IPPK: variants seen among roughly 807,000 people sequenced by gnomAD.
The protein encoded by IPPK is IPK1 homolog.
Under a neutral mutation model 64.6 loss-of-function variants are expected in IPPK, and 22 were observed. That is an observed-to-expected ratio of 0.34 (90% CI 0.24 to 0.49). The LOEUF is 0.49. Among genes scored for constraint, IPPK ranks in the 20% least tolerant of loss-of-function variants. The pLI is 0.99. For missense variants in IPPK, 532 were observed against 630.7 expected (o/e 0.84, Z 1.68); for synonymous variants, 262 against 247.2 (o/e 1.06, Z -0.56).
At chr9:92,669,825 G>C in intron 1 of IPPK, 83 bp downstream of exon 1, 2 of 1,060,648 alleles carry the variant, frequency 1.9e-6, no homozygotes, top group Non-Finnish European at 1.4e-6. Context: ...AACCGACCCT[G>C]TTGAGGAAAC....
chr9:92,625,898 G>A (rs932965296), intron 11 of IPPK, among the ~76,000 whole-genome samples: 2 of 152,060 alleles, frequency 1.3e-5, no homozygotes, highest in East Asian at 1.9e-4. Context: ...AAGGCAACAC[G>A]GATGAGTCAG....
chr9:92,660,341 C>A (rs1004957737), intron 1 of IPPK, among the ~76,000 whole-genome samples: 11 of 152,198 alleles, frequency 7.2e-5, no homozygotes, highest in African/African-American at 2.7e-4. Flanking sequence ...TACATGAAAT[C>A]CCTGATCAGT....
At chr9:92,669,038 G>C (rs969022339) in intron 1 of IPPK, among the ~76,000 whole-genome samples, 2 of 152,110 alleles carry the variant, frequency 1.3e-5, no homozygotes, top group South Asian at 4.2e-4. Flanking sequence ...CTGCGTAACT[G>C]GTCTTTGCAA....
At position 92,619,573 on chromosome 9, in the gene IPPK, G is replaced by C. The variant is rs1431510379; in HGVS notation, c.1171-8C>G. The C allele has an allele frequency of 3.8e-6, 6 of 1,572,184 alleles. No individual in the cohort carries two copies. The Admixed American group carries it at 5.7e-5, about 15-fold the overall frequency. ...GACGCGGTACTGCTGCACCTGCAGGGGCGGGAAAGATCAGCTCCAGGTCAC... is the reference window on the plus strand; with the variant it reads ...GACGCGGTACTGCTGCACCTGCAGGCGCGGGAAAGATCAGCTCCAGGTCAC... On this transcript the variant is annotated splice_polypyrimidine_tract_variant and splice_region_variant and intron_variant, in intron 11 of 12. Coordinates refer to ENST00000287996, the MANE Select transcript of IPPK (RefSeq NM_022755.6).
rs546830200 is a variant in IPPK, at chr9:92,629,054, C to T, written c.1170+5332G>A. ...AGTGAGCTACGAACACACCACTGCACTTCAGCCTGTGTGACAGAGCAAGAC... is the reference window on the plus strand; with the variant it reads ...AGTGAGCTACGAACACACCACTGCATTTCAGCCTGTGTGACAGAGCAAGAC... On this transcript the variant is annotated intron_variant, in intron 11 of 12. Coordinates refer to ENST00000287996, the MANE Select transcript of IPPK (RefSeq NM_022755.6). Among the ~76,000 whole-genome samples the T allele has an allele frequency of 5.3e-5, 8 of 152,212 alleles. No individual in the cohort carries two copies. The South Asian group carries it at 1.2e-3, about 24-fold the overall frequency.
chr9:92,619,401 A>G lies in IPPK; in HGVS notation c.1250+85T>C, dbSNP rs548547290. The G allele has an allele frequency of 7.1e-6, 8 of 1,129,842 alleles. No homozygotes were observed. In the South Asian group the frequency reaches 1.1e-4, roughly 15 times the overall value. The allele number at this position is 1,129,842 out of a possible 1,614,324, so 70.0% of individuals were successfully genotyped here. On this transcript the variant is annotated intron_variant, in intron 12 of 12. Coordinates refer to ENST00000287996, the MANE Select transcript of IPPK (RefSeq NM_022755.6). ...CGCCATGGAGTCTCTAAATATGGGGAAACCAACTATCCTATTAACAATTCA... is the reference window on the plus strand; with the variant it reads ...CGCCATGGAGTCTCTAAATATGGGGGAACCAACTATCCTATTAACAATTCA...
intron 11 of IPPK, chr9:92,620,386 C>T (rs1265961825): frequency 1.3e-5 from 2 of 152,284 alleles, no homozygotes; most frequent in Non-Finnish European, 2.9e-5. Context: ...AGGACAGGCA[C>T]CACAATGCTC....
intron 6 of IPPK, among the ~76,000 whole-genome samples, chr9:92,647,214 C>T (rs1057305719): frequency 6.6e-6 from 1 of 152,076 alleles, no homozygotes; most frequent in African/African-American, 2.4e-5. Flanking sequence ...CCAAAAAAAC[C>T]CACTCAGGAA....
intron 7 of IPPK, among the ~76,000 whole-genome samples, chr9:92,642,548 G>A (rs139391168): frequency 1.4e-4 from 22 of 152,340 alleles, no homozygotes; most frequent in Non-Finnish European, 2.8e-4. Flanking sequence ...GAGCAAGCAC[G>A]TCAAACTGTG....
At chr9:92,649,329 G>T (rs1852210234) in intron 5 of IPPK, 124 bp downstream of exon 5, 2 of 1,111,748 alleles carry the variant, frequency 1.8e-6, no homozygotes, top group Non-Finnish European at 2.6e-6. Flanking sequence ...GGAGTTTCCA[G>T]GAGCCAAGGG....
chr9:92,633,269 C>T (rs958138521), intron 11 of IPPK, among the ~76,000 whole-genome samples: 2 of 152,006 alleles, frequency 1.3e-5, no homozygotes, highest in Non-Finnish European at 2.9e-5. Flanking sequence ...CCTCAGCCTC[C>T]CAAAGTGCTG....
intron 11 of IPPK, among the ~76,000 whole-genome samples, chr9:92,630,591 CT>C: frequency 6.6e-6 from 1 of 152,056 alleles, no homozygotes; most frequent in East Asian, 1.9e-4. Context: ...AATAGCTAAG[CT>C]ACAAGAATGT....
Position 92,635,228 on chromosome 9 carries a change from G to C in IPPK, c.997C>G (p.Leu333Val), listed in dbSNP as rs1410142566. Residue 333 changes from leucine to valine, a missense_variant, in exon 10 of 13, where the codon CTG becomes GTG. Physicochemically the swap from Leu to Val is conservative, Grantham distance 32. Transcript: ENST00000287996. This position sits in a 1 kb window ranked among gnomAD's most constrained non-coding sequence, Gnocchi z 4.4. ...KTLQVQMLDL[L>V]DIEGLYPLYN... is the part of the protein sequence containing the mutation. ...AGAGGGTAGAGGCCTTCGATGTCCA[G>C]CAGGTCCAACATCTGCACCTGGAGG... 1 of 1,614,162 alleles carries C rather than the reference G, an allele frequency of 6.2e-7. No individual in the cohort carries two copies. Among genetic ancestry groups the C allele is most frequent in the African/African-American group, 1.3e-5 (1 of 75,060 alleles).
At chr9:92,634,601 G>GA (rs1204142042) in intron 10 of IPPK, 113 bp from the exon 11 acceptor site, 1 of 732,172 alleles carries the variant, frequency 1.4e-6, no homozygotes, top group Non-Finnish European at 2.4e-6. Context: ...ATTTTGTTTT[G>GA]AAAAACACAT....
chr9:92,631,859 A>G (rs1851851713), intron 11 of IPPK, among the ~76,000 whole-genome samples: 1 of 152,234 alleles, frequency 6.6e-6, no homozygotes, highest in Non-Finnish European at 1.5e-5. Flanking sequence ...TGATCACCAC[A>G]GGGATCCCCT....
chr9:92,639,647 T>A (rs572222961), intron 8 of IPPK, among the ~76,000 whole-genome samples: 1 of 152,270 alleles, frequency 6.6e-6, no homozygotes, highest in East Asian at 1.9e-4. Flanking sequence ...CCACCTGGGA[T>A]AACATGCCAG....
At chr9:92,662,691 G>GA (rs1243297208) in intron 1 of IPPK, among the ~76,000 whole-genome samples, 2 of 152,116 alleles carry the variant, frequency 1.3e-5, no homozygotes, top group Admixed American at 1.3e-4. Context: ...AAAATTAGAT[G>GA]AAAATCAAGG....
chr9:92,631,165 C>CGAA (rs1851835526), intron 11 of IPPK, among the ~76,000 whole-genome samples: 1 of 151,968 alleles, frequency 6.6e-6, no homozygotes, highest in Non-Finnish European at 1.5e-5. Context: ...GACAATATTC[C>CGAA]CTCTTTTCTT....
At chr9:92,643,067 C>T (rs922765995) in intron 6 of IPPK, among the ~76,000 whole-genome samples, 3 of 152,346 alleles carry the variant, frequency 2.0e-5, no homozygotes, top group African/African-American at 7.2e-5. Context: ...TTCACAGGAG[C>T]AGGGAAGAAA....
Sources: gnomAD v4.1 joint callset for allele counts (sites outside exome capture counted in the v4.1 genomes callset) on GRCh38, gnomAD v4.1.1 for gene constraint, Gnocchi (gnomAD v3.1) non-coding constraint, MANE v1.5 for transcripts, NCBI Gene and HGNC (gene_info 2026-07-23, HGNC 2026-07-21) for gene names.